Variants in SUCLG2 observed in about 807,000 individuals in gnomAD.
SUCLG2 encodes succinate-CoA ligase GDP-forming subunit beta, also known as succinate--CoA ligase [GDP-forming] subunit beta, mitochondrial.
A neutral mutation model predicts 47.9 loss-of-function variants in SUCLG2; 42 were observed. The ratio of observed to expected loss-of-function variants is 0.88; its 90% CI spans 0.69 to 1.14. The LOEUF is 1.14. SUCLG2 is among the 50% of genes most tolerant of loss of function. SUCLG2 has a pLI of 0.00. For synonymous variants in SUCLG2, 195 were observed against 197.3 expected, an observed-to-expected ratio of 0.99 and a Z score of 0.10; for missense variants, 571 against 525.9, an observed-to-expected ratio of 1.09 and a Z score of -0.84.
chr3:67,361,265 A>G (rs1417218354), intron 10 of SUCLG2, among the ~76,000 whole-genome samples: 1 of 152,144 alleles, frequency 6.6e-6, no homozygotes, highest in Non-Finnish European at 1.5e-5. Flanking sequence ...TCCACCATCT[A>G]TTGTGATGTG....
chr3:67,591,317 G>A (rs1436628407), intron 2 of SUCLG2, among the ~76,000 whole-genome samples: 1 of 152,196 alleles, frequency 6.6e-6, no homozygotes, highest in East Asian at 1.9e-4. Context: ...AGATGAAACA[G>A]ACTCTGCAGG....
chr3:67,430,049 A>G (rs568535585), intron 9 of SUCLG2, among the ~76,000 whole-genome samples: 1 of 152,298 alleles, frequency 6.6e-6, no homozygotes, highest in South Asian at 2.1e-4. Context: ...AACGAGAGGG[A>G]AAGTTAACAA....
At position 67,428,162 on chromosome 3, in the gene SUCLG2, C is replaced by T. The variant is rs142303335; in HGVS notation, c.1063-27311G>A. Reference sequence around the variant, plus strand: ...CTGCCTCCTCAAGTGGGTCCCTGACCCCTGAGTAGCCTAACTGGGAGGCAC... The same window carrying T: ...CTGCCTCCTCAAGTGGGTCCCTGACTCCTGAGTAGCCTAACTGGGAGGCAC... On this transcript the variant is annotated intron_variant, in intron 9 of 10. Coordinates refer to ENST00000307227, the MANE Select transcript of SUCLG2 (RefSeq NM_003848.4). Among the ~76,000 whole-genome samples the T allele has an allele frequency of 3.4e-3, 517 of 152,304 alleles. 2 individuals carry two copies. Among genetic ancestry groups the T allele is most frequent in the Non-Finnish European group, 4.7e-3 (318 of 68,024 alleles).
Position 67,529,187 on chromosome 3 carries a change from C to G in SUCLG2, c.227-1G>C. The G allele has an allele frequency of 6.2e-7, 1 of 1,603,912 alleles. No individual in the cohort carries two copies. Among genetic ancestry groups the G allele is most frequent in the Non-Finnish European group, 8.5e-7 (1 of 1,177,066 alleles). On this transcript the variant is annotated splice_acceptor_variant, in intron 2 of 10. Transcript: ENST00000307227. LOFTEE classifies it high-confidence loss of function. ...GCTTTTAAAACAATTTCTTTTGCAT[C>G]TGAAAAAGAAAAATCCAGAGTTGGT...
At chr3:67,620,445 C>T (rs1162370490) in intron 1 of SUCLG2, among the ~76,000 whole-genome samples, 11 of 151,912 alleles carry the variant, frequency 7.2e-5, no homozygotes, top group African/African-American at 1.2e-4. Flanking sequence ...ATTAGCTGGG[C>T]GTGGTGGCAC....
At chr3:67,586,731 A>C (rs1295088925) in intron 2 of SUCLG2, among the ~76,000 whole-genome samples, 1 of 152,234 alleles carries the variant, frequency 6.6e-6, no homozygotes, top group African/African-American at 2.4e-5. Context: ...TTAGGAACAC[A>C]GACTGGGACA....
intron 4 of SUCLG2, among the ~76,000 whole-genome samples, chr3:67,524,136 A>G (rs1267829824): frequency 6.6e-6 from 1 of 152,242 alleles, no homozygotes; most frequent in East Asian, 1.9e-4. Context: ...GACAGAGTAT[A>G]TTAGGAAGTG....
intron 2 of SUCLG2, among the ~76,000 whole-genome samples, chr3:67,577,285 G>A (rs977735169): frequency 1.3e-5 from 2 of 149,292 alleles, no homozygotes; most frequent in Non-Finnish European, 3.0e-5. Context: ...TTCAGCCTTG[G>A]TGACAGAGAC....
At chr3:67,587,059 T>TA (rs995870651) in intron 2 of SUCLG2, among the ~76,000 whole-genome samples, 4 of 152,162 alleles carry the variant, frequency 2.6e-5, no homozygotes, top group African/African-American at 4.8e-5. Context: ...TGTCATCCAA[T>TA]AAACAGTCAC....
chr3:67,512,077 A>C (rs915690428), intron 6 of SUCLG2, among the ~76,000 whole-genome samples: 7 of 150,958 alleles, frequency 4.6e-5, no homozygotes, highest in African/African-American at 2.5e-5. Context: ...GCTGCTCTTG[A>C]ATTCCTGGTC....
At chr3:67,460,418 T>A (rs1704303341) in intron 9 of SUCLG2, among the ~76,000 whole-genome samples, 1 of 152,202 alleles carries the variant, frequency 6.6e-6, no homozygotes, top group Non-Finnish European at 1.5e-5. Flanking sequence ...CTTATTCTCA[T>A]CAATCTTCAC....
At chr3:67,487,505 C>A (rs1230725330) in intron 9 of SUCLG2, among the ~76,000 whole-genome samples, 1 of 151,502 alleles carries the variant, frequency 6.6e-6, no homozygotes, top group Non-Finnish European at 1.5e-5. Context: ...CATATACACA[C>A]ACACACACAC....
chr3:67,649,242 G>A (rs2107384481), intron 1 of SUCLG2, among the ~76,000 whole-genome samples: 1 of 152,148 alleles, frequency 6.6e-6, no homozygotes, highest in East Asian at 1.9e-4. Flanking sequence ...CAGCTCAATT[G>A]CAGTACCCAC....
At chr3:67,545,152 C>T (rs142691052) in intron 2 of SUCLG2, among the ~76,000 whole-genome samples, 3 of 152,174 alleles carry the variant, frequency 2.0e-5, no homozygotes, top group African/African-American at 4.8e-5. Flanking sequence ...ATAAAGTATA[C>T]GCTCCCCTCC....
chr3:67,639,603 A>G (rs973915390), intron 1 of SUCLG2, among the ~76,000 whole-genome samples: 1 of 152,140 alleles, frequency 6.6e-6, no homozygotes, highest in Non-Finnish European at 1.5e-5. Flanking sequence ...AAGAGGGTAT[A>G]TAAATACTTC....
chr3:67,398,953 T>C (rs1003174826), intron 10 of SUCLG2, among the ~76,000 whole-genome samples: 2 of 136,670 alleles, frequency 1.5e-5, no homozygotes, highest in African/African-American at 5.6e-5. Context: ...TTGTCACTCA[T>C]AGGTGGGAAT....
chr3:67,562,327 G>A (rs1056839831), intron 2 of SUCLG2, among the ~76,000 whole-genome samples: 2 of 151,960 alleles, frequency 1.3e-5, no homozygotes, highest in African/African-American at 4.8e-5. Flanking sequence ...ACCAAGGCTG[G>A]AGTGCAGCAG....
chr3:67,361,841 A>G (rs1349911933), intron 10 of SUCLG2, among the ~76,000 whole-genome samples: 1 of 152,158 alleles, frequency 6.6e-6, no homozygotes, highest in African/African-American at 2.4e-5. Context: ...ATGTCTAGAA[A>G]GTGCTTGCAT....
chr3:67,458,972 G>C (rs1704259036), intron 9 of SUCLG2, among the ~76,000 whole-genome samples: 1 of 152,142 alleles, frequency 6.6e-6, no homozygotes, highest in South Asian at 2.1e-4. Context: ...TAACAAAGTA[G>C]CCTGGAAAGA....
Sources: gnomAD v4.1 joint callset for allele counts (sites outside exome capture counted in the v4.1 genomes callset) on GRCh38, gnomAD v4.1.1 for gene constraint, MANE v1.5 for transcripts, NCBI Gene and HGNC (gene_info 2026-07-23, HGNC 2026-07-21) for gene names.